SAE1: variants seen among roughly 807,000 people sequenced by gnomAD.
SAE1 encodes SUMO-activating enzyme subunit 1.
A neutral mutation model predicts 40.6 loss-of-function variants in SAE1; 11 were observed. The ratio of observed to expected loss-of-function variants is 0.27; its 90% CI spans 0.17 to 0.45. SAE1 has a LOEUF of 0.45. Ranked by LOEUF, SAE1 falls within the 20% of genes least tolerant of loss-of-function variation. SAE1 has a pLI of 1.00. For missense variants in SAE1, 373 were observed against 427.3 expected (o/e 0.87, Z 1.12); for synonymous variants, 155 against 154.3 (o/e 1.00, Z -0.03).
At chr19:47,134,096 C>T (rs905896653) in intron 1 of SAE1, among the ~76,000 whole-genome samples, 2 of 151,882 alleles carry the variant, frequency 1.3e-5, no homozygotes, top group East Asian at 1.9e-4. Flanking sequence ...CCCCTGACCT[C>T]GTGATCCACC....
In SAE1 at chr19:47,209,825, A is replaced by C. The variant is rs1368860626; in HGVS notation, c.*574A>C. ...TCCTCTGGAGTTTGAGACCCTGACA[A>C]ACAACAGGTGGCATCTGGTGTGCTG... is the stretch of plus-strand genomic sequence containing the variant. On this transcript the variant is annotated 3_prime_UTR_variant, in exon 9 of 9. Coordinates refer to ENST00000270225, the MANE Select transcript of SAE1 (RefSeq NM_005500.3). 6.5e-6 allele frequency: 1 copy of C among 152,906 alleles called. No homozygotes were observed. Among genetic ancestry groups the C allele is most frequent in the Non-Finnish European group, 1.5e-5 (1 of 68,550 alleles). 9.5% of individuals were successfully genotyped at this position (152,906 alleles called of 1,614,324 possible).
intron 6 of SAE1, among the ~76,000 whole-genome samples, chr19:47,187,307 A>G (rs188347979): frequency 2.4e-4 from 37 of 152,274 alleles, no homozygotes; most frequent in Admixed American, 8.5e-4. Flanking sequence ...CTCAGATGCA[A>G]CGGTGAAAGT....
chr19:47,166,803 G>A (rs918636708), intron 5 of SAE1, among the ~76,000 whole-genome samples: 4 of 152,202 alleles, frequency 2.6e-5, no homozygotes, highest in South Asian at 4.2e-4. Context: ...TCACCAGGCC[G>A]ACTTCATGAC....
chr19:47,133,874 T>G (rs1324516524), intron 1 of SAE1, among the ~76,000 whole-genome samples: 1 of 151,260 alleles, frequency 6.6e-6, no homozygotes, highest in East Asian at 1.9e-4. Context: ...TTGTTTTTTT[T>G]TTTTTTGAGA....
intron 8 of SAE1, among the ~76,000 whole-genome samples, chr19:47,204,814 C>CCA (rs1047694165): frequency 6.6e-6 from 1 of 152,078 alleles, no homozygotes; most frequent in African/African-American, 2.4e-5. Context: ...GTCTTTTTAA[C>CCA]CACACACTGT....
intron 7 of SAE1, among the ~76,000 whole-genome samples, chr19:47,201,199 C>T (rs1406270512): frequency 6.6e-6 from 1 of 151,754 alleles, no homozygotes; most frequent in Non-Finnish European, 1.5e-5. Context: ...CAGGCGCGTG[C>T]CACCACGCCC....
chr19:47,161,677 A>G (rs907313619), intron 5 of SAE1, among the ~76,000 whole-genome samples: 4 of 152,186 alleles, frequency 2.6e-5, no homozygotes, highest in African/African-American at 9.6e-5. Context: ...CTACCACTCA[A>G]TTTGAAGCAT....
chr19:47,168,332 G>C (rs536713749), intron 5 of SAE1, among the ~76,000 whole-genome samples: 89 of 152,100 alleles, frequency 5.9e-4, no homozygotes, highest in Admixed American at 2.9e-3. Context: ...CTCTCTCTCT[G>C]TTTTTTCTGT....
chr19:47,131,095 C>T lies in SAE1; in HGVS notation c.98+67C>T, dbSNP rs1008782457. 3 of 1,455,630 alleles carry T rather than the reference C, an allele frequency of 2.1e-6. No individual in the cohort carries two copies. In the African/African-American group the frequency reaches 4.4e-5, roughly 22 times the overall value. The allele number at this position is 1,455,630 out of a possible 1,614,324, so 90.2% of individuals were successfully genotyped here. ...GGCGTCTATTCTGAGGCGTTTGCGG[C>T]CCGGAAGGAGCGGGAAGGTGTGATT... On this transcript the variant is annotated intron_variant, in intron 1 of 8. Coordinates refer to ENST00000270225, the MANE Select transcript of SAE1 (RefSeq NM_005500.3).
At chr19:47,173,897 G>A (rs1309079134) in intron 6 of SAE1, among the ~76,000 whole-genome samples, 1 of 150,716 alleles carries the variant, frequency 6.6e-6, no homozygotes, top group Non-Finnish European at 1.5e-5. Context: ...CCATTCTCCT[G>A]CCTCAGCCTC....
At chr19:47,197,410 G>C in intron 7 of SAE1, 33 bp downstream of exon 7, 1 of 1,571,702 alleles carries the variant, frequency 6.4e-7, no homozygotes, top group Non-Finnish European at 8.6e-7. Flanking sequence ...GTTTAGTCTG[G>C]ACAGATAAAG....
chr19:47,193,589 AG>A (rs943296630), intron 6 of SAE1, among the ~76,000 whole-genome samples: 1 of 151,464 alleles, frequency 6.6e-6, no homozygotes, highest in African/African-American at 2.4e-5. Context: ...TGGGGGGCCA[AG>A]GTGGGAGGAT....
intron 1 of SAE1, among the ~76,000 whole-genome samples, chr19:47,143,041 TA>T (rs1273927803): frequency 6.6e-6 from 1 of 152,194 alleles, no homozygotes; most frequent in Non-Finnish European, 1.5e-5. Context: ...TTTTGTGCAG[TA>T]TGGATTAGAG....
intron 6 of SAE1, among the ~76,000 whole-genome samples, chr19:47,174,279 TTC>T (rs1360770936): frequency 6.6e-6 from 1 of 151,802 alleles, no homozygotes; most frequent in African/African-American, 2.4e-5. Context: ...TGCAGTAAAT[TTC>T]TTTTCTTTTT....
Position 47,192,260 on chromosome 19 carries a change from T to C in SAE1, c.734-4973T>C, listed in dbSNP as rs189228400. On this transcript the variant is annotated intron_variant, in intron 6 of 8. Coordinates refer to ENST00000270225, the MANE Select transcript of SAE1 (RefSeq NM_005500.3). ...TTGTTGTTGTTGTTGTTGTCGTCGT[T>C]GTTGTTTTGAGACAGAGTCTCGCTC... is the stretch of plus-strand genomic sequence containing the variant. 5.1e-4 allele frequency among the ~76,000 whole-genome samples: 78 copies of C among 151,858 alleles called. No homozygotes were observed. The East Asian group carries it at 6.8e-3, about 13-fold the overall frequency.
At chr19:47,197,763 T>C (rs1258758384) in intron 7 of SAE1, among the ~76,000 whole-genome samples, 1 of 152,216 alleles carries the variant, frequency 6.6e-6, no homozygotes, top group Non-Finnish European at 1.5e-5. Context: ...TGGAGTTTAT[T>C]GAACCAGTTG....
chr19:47,197,594 A>T (rs958173914), intron 7 of SAE1, among the ~76,000 whole-genome samples: 11 of 152,214 alleles, frequency 7.2e-5, no homozygotes, highest in Admixed American at 2.6e-4. Context: ...TCTTATATTC[A>T]CGTGGTTCAA....
At chr19:47,168,312 AT>A (rs553396651) in intron 5 of SAE1, among the ~76,000 whole-genome samples, 196 of 151,866 alleles carry the variant, frequency 1.3e-3, no homozygotes, top group Admixed American at 4.6e-3. Context: ...TTCAGTCTGT[AT>A]TTTTTTCTCT....
intron 1 of SAE1, among the ~76,000 whole-genome samples, chr19:47,140,623 C>CAAA (rs202068723): frequency 2.5e-5 from 3 of 119,078 alleles, no homozygotes; most frequent in African/African-American, 3.5e-5. Context: ...CCTGTGTCTA[C>CAAA]AAAAAAAAAA....
Sources: allele counts gnomAD v4.1 joint callset (sites outside exome capture counted in the v4.1 genomes callset), GRCh38; gene constraint gnomAD v4.1.1; transcripts MANE v1.5; gene names NCBI Gene and HGNC (gene_info 2026-07-23, HGNC 2026-07-21).